MAP4K5: variants seen among roughly 807,000 people sequenced by gnomAD.
MAP4K5 encodes the protein mitogen-activated protein kinase kinase kinase kinase 5, also known as MAPK/ERK kinase kinase kinase 5.
Under a neutral mutation model 135.6 loss-of-function variants are expected in MAP4K5, and 82 were observed. That is an observed-to-expected ratio of 0.60 (90% CI 0.51 to 0.73). MAP4K5 has a LOEUF of 0.73. Among genes scored for constraint, MAP4K5 ranks in the 30% least tolerant of loss-of-function variants. MAP4K5 has a pLI of 0.00. For synonymous variants in MAP4K5, 347 were observed against 335.0 expected, an observed-to-expected ratio of 1.04 and a Z score of -0.39; for missense variants, 907 against 1,010.9, an observed-to-expected ratio of 0.90 and a Z score of 1.39.
chr14:50,436,271 A>G (rs1476087166), intron 26 of MAP4K5, among the ~76,000 whole-genome samples: 1 of 152,152 alleles, frequency 6.6e-6, no homozygotes, highest in Non-Finnish European at 1.5e-5. Context: ...TCACCCAAAA[A>G]AGAGGTCTGG....
intron 28 of MAP4K5, among the ~76,000 whole-genome samples, chr14:50,432,717 T>C (rs2139660688): frequency 6.6e-6 from 1 of 152,186 alleles, no homozygotes; most frequent in Non-Finnish European, 1.5e-5. Context: ...TTGTATTAAA[T>C]GACATGCTTT....
chr14:50,478,014 G>T (rs2037141889), intron 6 of MAP4K5, among the ~76,000 whole-genome samples: 1 of 152,034 alleles, frequency 6.6e-6, no homozygotes. Context: ...TTCTAGATAG[G>T]TATATATAGG....
At position 50,445,145 on chromosome 14, in the gene MAP4K5, G is replaced by T; in HGVS notation, c.1235C>A (p.Ala412Glu). 6.2e-7 allele frequency: 1 copy of T among 1,613,538 alleles called. No homozygotes were observed. The highest frequency in any genetic ancestry group is 8.5e-7 in the Non-Finnish European group (1 of 1,179,670). ...ATCAGGACAATGTTTTATGGTTGATGCTTTTTCTTCATCCGGAAAGTTGTC... is the reference window on the plus strand; with the variant it reads ...ATCAGGACAATGTTTTATGGTTGATTCTTTTTCTTCATCCGGAAAGTTGTC... ...PEDNFPDEEK[A>E]STIKHCPDSE... Residue 412 changes from alanine to glutamate, a missense_variant, in exon 18 of 33, where the codon GCA becomes GAA. Ala to Glu is a moderately radical substitution (Grantham distance 107, BLOSUM62 -1). Coordinates refer to ENST00000682126, the MANE Select transcript of MAP4K5 (RefSeq NM_006575.6).
At chr14:50,425,538 CAT>C (rs2035826866) in intron 31 of MAP4K5, among the ~76,000 whole-genome samples, 1 of 151,978 alleles carries the variant, frequency 6.6e-6, no homozygotes, top group South Asian at 2.1e-4. Flanking sequence ...TCTTATGCTC[CAT>C]TATGTATTAA....
chr14:50,506,906 C>T (rs2089147055), intron 2 of MAP4K5, among the ~76,000 whole-genome samples: 1 of 152,186 alleles, frequency 6.6e-6, no homozygotes, highest in South Asian at 2.1e-4. Flanking sequence ...TAAGAACTGT[C>T]TGTTAGCCTC....
chr14:50,430,571 C>CT (rs1346282634), intron 28 of MAP4K5, among the ~76,000 whole-genome samples: 2 of 152,158 alleles, frequency 1.3e-5, no homozygotes, highest in African/African-American at 4.8e-5. Flanking sequence ...TCAATGTGCC[C>CT]TTTCTGATAG....
At chr14:50,443,852 T>C in intron 19 of MAP4K5, 82 bp from the exon 20 acceptor site, 2 of 1,468,722 alleles carry the variant, frequency 1.4e-6, no homozygotes, top group East Asian at 2.4e-5. Flanking sequence ...TTCTGTTACT[T>C]GAATTACTGA....
chr14:50,459,081 G>A (rs371848487), intron 13 of MAP4K5, among the ~76,000 whole-genome samples: 1 of 152,126 alleles, frequency 6.6e-6, no homozygotes, highest in African/African-American at 2.4e-5. Context: ...CTAAACTACT[G>A]GGATTACAGG....
At chr14:50,439,439 C>T (rs1257507642) in intron 23 of MAP4K5, among the ~76,000 whole-genome samples, 1 of 151,266 alleles carries the variant, frequency 6.6e-6, no homozygotes, top group Non-Finnish European at 1.5e-5. Flanking sequence ...GTTCAGAAGA[C>T]CTTAAAGAAT....
At chr14:50,444,297 G>T (rs1178764488) in intron 18 of MAP4K5, among the ~76,000 whole-genome samples, 1 of 152,110 alleles carries the variant, frequency 6.6e-6, no homozygotes, top group East Asian at 1.9e-4. Context: ...GATATGCAAG[G>T]CTTTTTATAA....
intron 2 of MAP4K5, among the ~76,000 whole-genome samples, chr14:50,529,838 G>A (rs1380419159): frequency 6.6e-6 from 1 of 152,088 alleles, no homozygotes; most frequent in Non-Finnish European, 1.5e-5. Flanking sequence ...CATGTTTAAG[G>A]AGCAGCAAGC....
intron 2 of MAP4K5, among the ~76,000 whole-genome samples, chr14:50,512,599 G>A (rs537560721): frequency 5.9e-5 from 9 of 152,232 alleles, no homozygotes; most frequent in East Asian, 1.9e-4. Context: ...ATGAAGAACC[G>A]ATGGGCAAAT....
chr14:50,486,804 C>A (rs1234574754), intron 3 of MAP4K5, among the ~76,000 whole-genome samples: 1 of 151,866 alleles, frequency 6.6e-6, no homozygotes, highest in Non-Finnish European at 1.5e-5. Flanking sequence ...GGTGGTGGCA[C>A]CTGTAATCTT....
chr14:50,535,420 A>C (rs557465274), upstream of MAP4K5, among the ~76,000 whole-genome samples: 2 of 152,378 alleles, frequency 1.3e-5, no homozygotes, highest in African/African-American at 4.8e-5. Flanking sequence ...AGATTTAAGC[A>C]ATCTGGTAAT....
chr14:50,475,201 C>T (rs1048994161), intron 8 of MAP4K5, 52 bp from the exon 9 acceptor site: 2 of 1,365,974 alleles, frequency 1.5e-6, no homozygotes, highest in African/African-American at 2.9e-5. Context: ...CACCAAACAA[C>T]ATTTTTACTT....
chr14:50,420,355 G>A (rs1049642235), intron 32 of MAP4K5, among the ~76,000 whole-genome samples: 1 of 152,146 alleles, frequency 6.6e-6, no homozygotes. Context: ...TCTGGGCTAG[G>A]TGTGGTGGCT....
At chr14:50,454,954 T>C (rs992812895) in intron 14 of MAP4K5, among the ~76,000 whole-genome samples, 1 of 151,846 alleles carries the variant, frequency 6.6e-6, no homozygotes, top group African/African-American at 2.4e-5. Flanking sequence ...CTAACAGATA[T>C]TATCAAGATA....
intron 2 of MAP4K5, among the ~76,000 whole-genome samples, chr14:50,506,347 T>C (rs2037809490): frequency 6.6e-6 from 1 of 152,086 alleles, no homozygotes; most frequent in Admixed American, 6.6e-5. Context: ...AAATAATTTG[T>C]CTTTTGTTTG....
At chr14:50,478,816 G>A (rs1404284092) in intron 6 of MAP4K5, among the ~76,000 whole-genome samples, 3 of 151,968 alleles carry the variant, frequency 2.0e-5, no homozygotes, top group East Asian at 1.9e-4. Context: ...TTTTCTCTAG[G>A]AATAGAATTT....
Sources: gnomAD v4.1 joint callset for allele counts (sites outside exome capture counted in the v4.1 genomes callset) on GRCh38, gnomAD v4.1.1 for gene constraint, MANE v1.5 for transcripts, NCBI Gene and HGNC (gene_info 2026-07-23, HGNC 2026-07-21) for gene names.